Variants in RARB observed in about 807,000 individuals in gnomAD.
RARB encodes the protein HBV-activated protein.
Under a neutral mutation model 51.9 loss-of-function variants are expected in RARB, and 17 were observed. The ratio of observed to expected loss-of-function variants is 0.33; its 90% CI spans 0.22 to 0.49. The LOEUF (loss-of-function observed/expected upper bound fraction) is 0.49, where lower values mean the gene tolerates loss of function less well. RARB is among the 20% of genes least tolerant of loss of function. RARB has a pLI of 0.99. For missense variants in RARB, 369 were observed against 550.8 expected (o/e 0.67, Z 3.30); for synonymous variants, 215 against 195.4 (o/e 1.10, Z -0.84).
At chr3:25,416,830 T>TG (rs1707718693) in intron 5 of RARB, among the ~76,000 whole-genome samples, 1 of 152,178 alleles carries the variant, frequency 6.6e-6, no homozygotes, top group Non-Finnish European at 1.5e-5. Context: ...TGGACTTCTA[T>TG]GGGGCACTCA....
intron 5 of RARB, among the ~76,000 whole-genome samples, chr3:25,387,178 A>G (rs1318895195): frequency 6.6e-6 from 1 of 152,202 alleles, no homozygotes; most frequent in African/African-American, 2.4e-5. Flanking sequence ...GCACAACAGA[A>G]ACCCAGCAGG....
chr3:25,197,606 C>G (rs1467308746), intron 5 of RARB, among the ~76,000 whole-genome samples: 2 of 152,030 alleles, frequency 1.3e-5, no homozygotes, highest in South Asian at 4.1e-4. Context: ...GATACAAAAT[C>G]AACCTACAAA....
chr3:25,282,109 A>T (rs946369970), intron 5 of RARB, among the ~76,000 whole-genome samples: 3 of 152,202 alleles, frequency 2.0e-5, no homozygotes, highest in Non-Finnish European at 4.4e-5. Flanking sequence ...AAGAGAGAAC[A>T]TTGTAGTTGT....
chr3:25,575,191 A>T (rs753609280), intron 4 of RARB, among the ~76,000 whole-genome samples: 4 of 152,104 alleles, frequency 2.6e-5, no homozygotes, highest in Non-Finnish European at 4.4e-5. Flanking sequence ...TCATGTTCCT[A>T]TGAGAATGTA....
intron 2 of RARB, among the ~76,000 whole-genome samples, chr3:24,910,993 A>G (rs1405570679): frequency 6.6e-6 from 1 of 152,220 alleles, no homozygotes; most frequent in Non-Finnish European, 1.5e-5. Flanking sequence ...TATGCCTGTA[A>G]CTATTGCTTC....
intron 5 of RARB, among the ~76,000 whole-genome samples, chr3:25,590,680 T>C (rs1701580930): frequency 6.6e-6 from 1 of 152,160 alleles, no homozygotes; most frequent in African/African-American, 2.4e-5. Flanking sequence ...TCACCAGGCC[T>C]GGCTAATTTT....
chr3:25,499,332 G>C (rs750850692), intron 2 of RARB, among the ~76,000 whole-genome samples: 19 of 152,280 alleles, frequency 1.2e-4, no homozygotes, highest in Non-Finnish European at 2.6e-4. Context: ...TTCTCGTGTA[G>C]GTATAAGTCA....
chr3:25,146,275 T>G (rs1700187706), intron 4 of RARB, among the ~76,000 whole-genome samples: 1 of 152,180 alleles, frequency 6.6e-6, no homozygotes, highest in Non-Finnish European at 1.5e-5. Flanking sequence ...AGTTCAGAAG[T>G]TGGTAAACTT....
chr3:25,242,387 A>G (rs1198313159), intron 5 of RARB, among the ~76,000 whole-genome samples: 1 of 152,092 alleles, frequency 6.6e-6, no homozygotes, highest in African/African-American at 2.4e-5. Flanking sequence ...GCCCATGCCT[A>G]TGTTCTGAAC....
At chr3:25,080,064 ACTCTGCAGT>A (rs899638856) in intron 3 of RARB, among the ~76,000 whole-genome samples, 2 of 151,940 alleles carry the variant, frequency 1.3e-5, no homozygotes, top group Non-Finnish European at 2.9e-5. Flanking sequence ...CCCCAAACAA[ACTCTGCAGT>A]CATTAAGCAG....
chr3:25,185,297 C>T (rs577121897), intron 5 of RARB, among the ~76,000 whole-genome samples: 3 of 152,182 alleles, frequency 2.0e-5, no homozygotes, highest in Non-Finnish European at 4.4e-5. Flanking sequence ...ACATTTAAGG[C>T]TATTTTTCAT....
At chr3:25,033,659 A>G (rs1191154947) in intron 2 of RARB, among the ~76,000 whole-genome samples, 3 of 152,146 alleles carry the variant, frequency 2.0e-5, no homozygotes. Flanking sequence ...ACATCCAAAC[A>G]TGAAGATTTC....
intron 4 of RARB, among the ~76,000 whole-genome samples, chr3:25,170,854 A>C (rs979151586): frequency 6.6e-6 from 1 of 152,142 alleles, no homozygotes; most frequent in Non-Finnish European, 1.5e-5. Context: ...ACAGGCATAA[A>C]TATTAAAATT....
At chr3:25,126,698 A>G (rs950423789) in intron 3 of RARB, among the ~76,000 whole-genome samples, 2 of 152,118 alleles carry the variant, frequency 1.3e-5, no homozygotes, top group South Asian at 2.1e-4. Flanking sequence ...AATAACTTTC[A>G]TCTCCTGAAA....
At chr3:25,063,715 T>C (rs1310603023) in intron 3 of RARB, among the ~76,000 whole-genome samples, 1 of 151,502 alleles carries the variant, frequency 6.6e-6, no homozygotes, top group Non-Finnish European at 1.5e-5. Context: ...AGACTTTTTT[T>C]TTTTTTTTTT....
At chr3:25,265,796 T>G (rs1703112486) in intron 5 of RARB, among the ~76,000 whole-genome samples, 1 of 152,170 alleles carries the variant, frequency 6.6e-6, no homozygotes, top group African/African-American at 2.4e-5. Flanking sequence ...CTTACAATTC[T>G]GAAGGTCGGA....
At chr3:25,174,341 G>T in exon 5 of RARB, 1 of 1,316,696 alleles carries the variant, frequency 7.6e-7, no homozygotes, top group Non-Finnish European at 1.0e-6. Context: ...TTTGGTTTAA[G>T]ACCTGGAGTG....
chr3:24,999,750 G>A (rs1265597322), intron 2 of RARB, among the ~76,000 whole-genome samples: 2 of 152,102 alleles, frequency 1.3e-5, no homozygotes, highest in African/African-American at 4.8e-5. Flanking sequence ...CCTCTAAGGG[G>A]TAGATTGCAC....
chr3:25,195,390 A>G (rs1052345819), intron 5 of RARB, among the ~76,000 whole-genome samples: 24 of 151,948 alleles, frequency 1.6e-4, no homozygotes, highest in African/African-American at 5.8e-4. Flanking sequence ...ATGACATTGG[A>G]TTTGGTTGGT....
Sources: allele counts gnomAD v4.1 joint callset (sites outside exome capture counted in the v4.1 genomes callset), GRCh38; gene constraint gnomAD v4.1.1; transcripts MANE v1.5; gene names NCBI Gene and HGNC (gene_info 2026-07-23, HGNC 2026-07-21).